SLC24A2: variants seen among roughly 807,000 people sequenced by gnomAD.
SLC24A2 encodes sodium/potassium/calcium exchanger 2.
Under a neutral mutation model 62.0 loss-of-function variants are expected in SLC24A2, and 36 were observed. That is an observed-to-expected ratio of 0.58 (90% CI 0.44 to 0.77). The LOEUF (loss-of-function observed/expected upper bound fraction) is 0.77. SLC24A2 is among the 30% of genes least tolerant of loss of function. The pLI is 0.00. For synonymous variants in SLC24A2, 358 were observed against 294.0 expected (o/e 1.22, Z -2.23); for missense variants, 846 against 817.9 (o/e 1.03, Z -0.42).
At chr9:19,764,213 A>G (rs1822441134) in intron 2 of SLC24A2, among the ~76,000 whole-genome samples, 1 of 151,916 alleles carries the variant, frequency 6.6e-6, no homozygotes, top group African/African-American at 2.4e-5. Context: ...TTTCTTCTTT[A>G]TTAGTCTGGC....
At chr9:19,898,208 T>G in the SLC24A2 span, among the ~76,000 whole-genome samples, 1 of 152,158 alleles carries the variant, frequency 6.6e-6, no homozygotes, top group Non-Finnish European at 1.5e-5. Flanking sequence ...AGAAGCAGCT[T>G]GTGGAAGGGT....
At chr9:20,156,367 T>C in the SLC24A2 span, among the ~76,000 whole-genome samples, 1 of 151,702 alleles carries the variant, frequency 6.6e-6, no homozygotes, top group Non-Finnish European at 1.5e-5. Context: ...GGGTTTAACC[T>C]CCCAGCTGCC....
chr9:19,508,460 T>G lies in SLC24A2; in HGVS notation c.*7693A>C, dbSNP rs1305436168. 1 of 152,194 alleles carries G rather than the reference T, an allele frequency of 6.6e-6. No individual in the cohort carries two copies. The highest frequency in any genetic ancestry group is 1.5e-5 in the Non-Finnish European group (1 of 68,038). The allele number at this position is 152,194 out of a possible 1,614,324, so 9.4% of individuals were successfully genotyped here. ...TAGGTACCCAGTTCTGGTGGATTTC[T>G]AGACTATTAAGTGCTTTTTAGTAAT... On this transcript the variant is annotated 3_prime_UTR_variant, in exon 11 of 11. Coordinates refer to ENST00000341998, the MANE Select transcript of SLC24A2 (RefSeq NM_020344.4).
At chr9:20,111,169 T>A in the SLC24A2 span, among the ~76,000 whole-genome samples, 1 of 152,186 alleles carries the variant, frequency 6.6e-6, no homozygotes, top group South Asian at 2.1e-4. Context: ...CTTGCCCTAC[T>A]GCATTTGGTT....
At chr9:20,144,833 TGTTA>T in the SLC24A2 span, among the ~76,000 whole-genome samples, 1 of 152,024 alleles carries the variant, frequency 6.6e-6, no homozygotes, top group African/African-American at 2.4e-5. Context: ...TCTTTGGAAA[TGTTA>T]GTTTAAAAAA....
chr9:19,712,598 T>C (rs1820746441), intron 2 of SLC24A2, among the ~76,000 whole-genome samples: 1 of 152,178 alleles, frequency 6.6e-6, no homozygotes, highest in Admixed American at 6.5e-5. Context: ...CCCTGAGCTA[T>C]CTTCCAAATT....
At chr9:19,825,159 C>A in the SLC24A2 span, among the ~76,000 whole-genome samples, 2 of 152,162 alleles carry the variant, frequency 1.3e-5, no homozygotes, top group Non-Finnish European at 2.9e-5. Context: ...ATGTTCTGCA[C>A]ATGTACCCCA....
chr9:19,748,703 T>A (rs2118799187), intron 2 of SLC24A2, among the ~76,000 whole-genome samples: 1 of 152,124 alleles, frequency 6.6e-6, no homozygotes, highest in Non-Finnish European at 1.5e-5. Flanking sequence ...TGTTTGTTGG[T>A]TGGTTGGTTT....
At position 19,724,872 on chromosome 9, in the gene SLC24A2, A is replaced by C. The variant is rs113957675; in HGVS notation, c.930+61065T>G. On this transcript the variant is annotated intron_variant, in intron 2 of 10. Transcript: ENST00000341998. ...ACACCAGTTAGATTAGATACCATTA[A>C]AGGGAGACTAATAAGCAAACTACAG... Among the ~76,000 whole-genome samples, 493 of 152,322 alleles carry C rather than the reference A, an allele frequency of 3.2e-3. 5 individuals are homozygous for C. Among genetic ancestry groups the C allele is most frequent in the Middle Eastern group, 0.014 (4 of 294 alleles).
chr9:19,635,198 C>A (rs1818280248), intron 2 of SLC24A2, among the ~76,000 whole-genome samples: 1 of 152,148 alleles, frequency 6.6e-6, no homozygotes, highest in Non-Finnish European at 1.5e-5. Context: ...CAGTCAGCAC[C>A]AACTTCTTGG....
chr9:19,948,979 C>CATTT, the SLC24A2 span, among the ~76,000 whole-genome samples: 105 of 151,390 alleles, frequency 6.9e-4, no homozygotes, highest in East Asian at 0.016. Flanking sequence ...CCCCACCTTC[C>CATTT]ATTTATTTAT....
At chr9:19,955,836 T>A in the SLC24A2 span, among the ~76,000 whole-genome samples, 1 of 152,198 alleles carries the variant, frequency 6.6e-6, no homozygotes, top group East Asian at 1.9e-4. Flanking sequence ...AGTTACTATC[T>A]TCTTTTCTTA....
intron 6 of SLC24A2, among the ~76,000 whole-genome samples, chr9:19,574,857 G>C (rs1835959912): frequency 6.6e-6 from 1 of 152,134 alleles, no homozygotes; most frequent in Admixed American, 6.5e-5. Flanking sequence ...ATGGATTTTG[G>C]GATGGAATGA....
chr9:20,048,724 C>T, the SLC24A2 span, among the ~76,000 whole-genome samples: 52 of 151,682 alleles, frequency 3.4e-4, no homozygotes, highest in Non-Finnish European at 2.8e-4. Flanking sequence ...GGAATTCCAT[C>T]AAGTAATTCC....
the SLC24A2 span, among the ~76,000 whole-genome samples, chr9:20,101,757 G>C: frequency 6.6e-6 from 1 of 151,740 alleles, no homozygotes; most frequent in African/African-American, 2.4e-5. Context: ...TTTTTTTAAG[G>C]AAAAGAAAAA....
chr9:19,525,209 G>A (rs1833377782), intron 9 of SLC24A2, among the ~76,000 whole-genome samples: 1 of 152,016 alleles, frequency 6.6e-6, no homozygotes, highest in African/African-American at 2.4e-5. Flanking sequence ...TAAAATAACT[G>A]TGATATGAAT....
chr9:19,693,406 G>A (rs1468110128), intron 2 of SLC24A2, among the ~76,000 whole-genome samples: 4 of 152,066 alleles, frequency 2.6e-5, no homozygotes, highest in Non-Finnish European at 4.4e-5. Flanking sequence ...CACCATGACT[G>A]TTTACTAGTT....
the SLC24A2 span, among the ~76,000 whole-genome samples, chr9:20,189,470 T>C: frequency 6.6e-6 from 1 of 152,192 alleles, no homozygotes; most frequent in East Asian, 1.9e-4. Flanking sequence ...AGAACTTTAT[T>C]TTTTTGTTAT....
chr9:19,717,810 T>C (rs538316511), intron 2 of SLC24A2, among the ~76,000 whole-genome samples: 12 of 152,210 alleles, frequency 7.9e-5, no homozygotes, highest in Admixed American at 6.5e-4. Context: ...TATACTGGAG[T>C]AGGCTTTTCC....
Sources: gnomAD v4.1 joint callset for allele counts (sites outside exome capture counted in the v4.1 genomes callset) on GRCh38, gnomAD v4.1.1 for gene constraint, MANE v1.5 for transcripts, NCBI Gene and HGNC (gene_info 2026-07-23, HGNC 2026-07-21) for gene names.